CADM2: variants seen among roughly 807,000 people sequenced by gnomAD.
CADM2 encodes the protein immunoglobulin superfamily member 4D.
In CADM2, 12 loss-of-function variants were observed where a neutral mutation model predicts 49.8. The observed-to-expected ratio is 0.24, with a 90% confidence interval of 0.15 to 0.39. The LOEUF (loss-of-function observed/expected upper bound fraction) is 0.39, where lower values mean the gene tolerates loss of function less well. Among genes scored for constraint, CADM2 ranks in the 10% least tolerant of loss-of-function variants. The pLI is 1.00. For synonymous variants in CADM2, 214 were observed against 175.4 expected (o/e 1.22, Z -1.74); for missense variants, 378 against 492.3 (o/e 0.77, Z 2.20).
intron 3 of CADM2, among the ~76,000 whole-genome samples, chr3:85,809,497 A>G (rs2072676124): frequency 6.6e-6 from 1 of 152,112 alleles, no homozygotes; most frequent in Non-Finnish European, 1.5e-5. Context: ...AGTCTGAAGC[A>G]AGAGAATTGC....
intron 1 of CADM2, among the ~76,000 whole-genome samples, chr3:85,570,450 G>C (rs2062442391): frequency 1.3e-5 from 2 of 152,002 alleles, no homozygotes; most frequent in Non-Finnish European, 2.9e-5. Context: ...AGCTAATGGG[G>C]TCCACCAATG....
At chr3:85,304,621 G>T (rs1485359997) in intron 1 of CADM2, among the ~76,000 whole-genome samples, 2 of 151,744 alleles carry the variant, frequency 1.3e-5, no homozygotes, top group African/African-American at 2.4e-5. Context: ...ATCAACGGTT[G>T]TAATAACTCA....
At chr3:85,283,089 T>C (rs2043544689) in intron 1 of CADM2, among the ~76,000 whole-genome samples, 1 of 152,200 alleles carries the variant, frequency 6.6e-6, no homozygotes, top group Admixed American at 6.5e-5. Flanking sequence ...TATTGAGATG[T>C]ATATTTACTG....
At chr3:85,838,114 G>A (rs902158764) in intron 3 of CADM2, among the ~76,000 whole-genome samples, 11 of 151,644 alleles carry the variant, frequency 7.3e-5, no homozygotes, top group African/African-American at 2.4e-4. Flanking sequence ...AATTTTAAGT[G>A]GTTATCTTAT....
chr3:86,071,518 C>T lies in CADM2; in HGVS notation c.*4735C>T, dbSNP rs941764382. ...TGAATGCAATAGTTATTGGATATAG[C>T]TGGTAAGTTCTCTGCCATGCATACT... On this transcript the variant is annotated 3_prime_UTR_variant, in exon 10 of 10. Transcript: ENST00000383699. The T allele has an allele frequency of 4.0e-5, 6 of 151,852 alleles. No homozygotes were observed. The highest frequency in any genetic ancestry group is 1.4e-4 in the African/African-American group (6 of 41,402). 9.4% of individuals were successfully genotyped at this position (151,852 alleles called of 1,614,324 possible). A position where few individuals can be genotyped will look rare whatever the true frequency, so the allele number is the denominator to read the frequency against.
chr3:85,806,566 C>G (rs937395923), intron 3 of CADM2, among the ~76,000 whole-genome samples: 1 of 152,024 alleles, frequency 6.6e-6, no homozygotes, highest in South Asian at 2.1e-4. Context: ...GGCTGAACCC[C>G]CTTTCCTAGG....
chr3:85,917,976 G>A (rs1183931223), intron 6 of CADM2, among the ~76,000 whole-genome samples: 1 of 152,062 alleles, frequency 6.6e-6, no homozygotes, highest in Non-Finnish European at 1.5e-5. Context: ...GTCTGTTATT[G>A]GTGTATAAGA....
intron 1 of CADM2, among the ~76,000 whole-genome samples, chr3:85,138,682 C>T (rs748672642): frequency 1.4e-4 from 22 of 151,982 alleles, no homozygotes; most frequent in Admixed American, 2.0e-4. Flanking sequence ...AAATGGTGAA[C>T]ATCAAAAACT....
intron 3 of CADM2, among the ~76,000 whole-genome samples, chr3:85,837,722 T>C (rs2108253514): frequency 6.6e-6 from 1 of 151,894 alleles, no homozygotes; most frequent in Admixed American, 6.6e-5. Context: ...AGAGCTGTAC[T>C]CTGTTACTAT....
chr3:85,028,762 G>A (rs2034846281), intron 1 of CADM2, among the ~76,000 whole-genome samples: 1 of 151,964 alleles, frequency 6.6e-6, no homozygotes, highest in African/African-American at 2.4e-5. Context: ...TCTAGTAACA[G>A]TGAGAAAACT....
At chr3:85,774,367 C>G (rs1453087750) in intron 2 of CADM2, among the ~76,000 whole-genome samples, 2 of 151,620 alleles carry the variant, frequency 1.3e-5, no homozygotes, top group African/African-American at 4.8e-5. Context: ...GGCAATTAAT[C>G]ACAGAAAGGC....
intron 7 of CADM2, among the ~76,000 whole-genome samples, chr3:85,936,361 T>G (rs1167268614): frequency 6.6e-6 from 1 of 151,846 alleles, no homozygotes; most frequent in East Asian, 1.9e-4. Context: ...AATTTCAATA[T>G]TAGAATATAT....
intron 1 of CADM2, among the ~76,000 whole-genome samples, chr3:85,248,849 G>T (rs2042711844): frequency 6.6e-6 from 1 of 152,102 alleles, no homozygotes; most frequent in Admixed American, 6.6e-5. Context: ...TGCCATTCTG[G>T]TGTACTCAGT....
intron 1 of CADM2, among the ~76,000 whole-genome samples, chr3:84,970,981 A>G (rs2031390721): frequency 6.6e-6 from 1 of 152,040 alleles, no homozygotes; most frequent in South Asian, 2.1e-4. Flanking sequence ...TATATTGAGG[A>G]TATTCCTGTA....
At chr3:85,966,490 A>G (rs931961029) in intron 8 of CADM2, among the ~76,000 whole-genome samples, 2 of 151,660 alleles carry the variant, frequency 1.3e-5, no homozygotes, top group African/African-American at 4.8e-5. Context: ...TTTTATAACA[A>G]TTCATCACTC....
chr3:86,039,280 C>T lies in CADM2; in HGVS notation c.971-26325C>T, dbSNP rs965601125. Among the ~76,000 whole-genome samples the T allele has an allele frequency of 1.3e-4, 19 of 151,870 alleles. 1 individual carries two copies. The highest frequency in any genetic ancestry group is 4.4e-5 in the Non-Finnish European group (3 of 67,944). ...AAAGCAGGGTGAGGCATTGCCTCAC[C>T]TGGGAAGTGAAAGGGGTCAGGGAAT... On this transcript the variant is annotated intron_variant, in intron 8 of 9. Coordinates refer to ENST00000383699, the MANE Select transcript of CADM2 (RefSeq NM_001167675.2).
chr3:85,026,573 C>CA, intron 1 of CADM2, among the ~76,000 whole-genome samples: 1 of 152,034 alleles, frequency 6.6e-6, no homozygotes, highest in East Asian at 1.9e-4. Context: ...TATGCCTATG[C>CA]TACCAATACA....
chr3:85,362,099 T>C (rs527978307), intron 1 of CADM2, among the ~76,000 whole-genome samples: 3 of 148,414 alleles, frequency 2.0e-5, no homozygotes, highest in African/African-American at 7.9e-5. Flanking sequence ...CAACTTTGGT[T>C]TGGACCTCCA....
In CADM2 at chr3:85,436,551, T is replaced by C. The variant is rs2036940292; in HGVS notation, c.62-289971T>C. On this transcript the variant is annotated intron_variant, in intron 1 of 9. Transcript: ENST00000383699. ...CAGCATGATATTGACTGTGGGTTTG[T>C]TATAAATAGCTCTTATTATTTTGAT... Among the ~76,000 whole-genome samples the C allele has an allele frequency of 2.0e-5, 3 of 152,162 alleles. No homozygotes were observed. In the South Asian group the frequency reaches 6.2e-4, roughly 31 times the overall value.
Sources: allele counts gnomAD v4.1 joint callset (sites outside exome capture counted in the v4.1 genomes callset), GRCh38; gene constraint gnomAD v4.1.1; transcripts MANE v1.5; gene names NCBI Gene and HGNC (gene_info 2026-07-23, HGNC 2026-07-21).